Variants in C10orf67 observed in about 807,000 individuals in gnomAD.
C10orf67 encodes the protein chromosome 10 open reading frame 67.
Under a neutral mutation model 35.6 loss-of-function variants are expected in C10orf67, and 60 were observed. The observed-to-expected ratio is 1.68, with a 90% CI of 1.37 to 2.09. The LOEUF is 2.09. Among genes scored for constraint, C10orf67 ranks in the 30% most tolerant of loss-of-function variants. The pLI, the probability that C10orf67 is intolerant of heterozygous loss-of-function variation, is 0.00. For synonymous variants in C10orf67, 167 were observed against 115.8 expected (o/e 1.44, Z -2.84); for missense variants, 474 against 330.2 (o/e 1.44, Z -3.38).
intron 12 of C10orf67, among the ~76,000 whole-genome samples, chr10:23,249,768 T>G (rs966125406): frequency 1.4e-4 from 21 of 152,202 alleles, no homozygotes; most frequent in Admixed American, 1.3e-3. Flanking sequence ...CCATCGTGCC[T>G]GGATGATGCT....
In C10orf67 at chr10:23,294,388, A is replaced by AAC. The variant is rs367859433; in HGVS notation, c.703-3111_703-3110dup. On this transcript the variant is annotated intron_variant, in intron 5 of 15. Transcript: ENST00000636213. Reference sequence around the variant, plus strand: ...ACAGGCACACACACACACACACAGAAACACACACACACACAGAAACACACA... The same window carrying AAC: ...ACAGGCACACACACACACACACAGAAACACACACACACACACAGAAACACACA... Among the ~76,000 whole-genome samples, 506 of 151,170 alleles carry AAC rather than the reference A, an allele frequency of 3.3e-3. 13 individuals carry two copies. The East Asian group carries it at 0.049, about 15-fold the overall frequency.
chr10:23,263,933 A>AC (rs1319882628), intron 10 of C10orf67, among the ~76,000 whole-genome samples: 1 of 152,238 alleles, frequency 6.6e-6, no homozygotes, highest in African/African-American at 2.4e-5. Flanking sequence ...CAGACTGGCT[A>AC]AACACTCAGT....
At chr10:23,292,158 C>CTTTTTT (rs542812504) in intron 5 of C10orf67, among the ~76,000 whole-genome samples, 8 of 69,318 alleles carry the variant, frequency 1.2e-4, no homozygotes, top group African/African-American at 2.1e-4. Flanking sequence ...GACAGCTACT[C>CTTTTTT]TTTTTTTTTT....
chr10:23,250,786 A>G, intron 10 of C10orf67, 95 bp from the exon 11 acceptor site: 1 of 396,680 alleles, frequency 2.5e-6, no homozygotes. Flanking sequence ...AATAGTATGC[A>G]TACTCTAACT....
chr10:23,210,383 T>C (rs781327936), intron 15 of C10orf67, among the ~76,000 whole-genome samples: 1 of 152,200 alleles, frequency 6.6e-6, no homozygotes, highest in Non-Finnish European at 1.5e-5. Context: ...CCTAAGTTCA[T>C]GAAATCAGGA....
intron 10 of C10orf67, among the ~76,000 whole-genome samples, chr10:23,252,029 T>C (rs906474247): frequency 6.6e-6 from 1 of 152,166 alleles, no homozygotes; most frequent in African/African-American, 2.4e-5. Flanking sequence ...ATAATACCAG[T>C]TTTTAAAAAA....
chr10:23,310,377 C>G (rs1331375023), intron 4 of C10orf67, among the ~76,000 whole-genome samples: 1 of 152,218 alleles, frequency 6.6e-6, no homozygotes, highest in Non-Finnish European at 1.5e-5. Context: ...TTGAGCCTCT[C>G]TTTCTTTTAT....
intron 10 of C10orf67, among the ~76,000 whole-genome samples, chr10:23,252,351 A>G (rs77693499): frequency 0.017 from 2,597 of 152,270 alleles, 65 homozygotes; most frequent in African/African-American, 0.059. Context: ...TGTTAATGGA[A>G]AAAAGTTTCT....
At chr10:23,296,739 A>C (rs1333242743) in intron 5 of C10orf67, among the ~76,000 whole-genome samples, 1 of 152,142 alleles carries the variant, frequency 6.6e-6, no homozygotes, top group East Asian at 1.9e-4. Flanking sequence ...CATCTGGGGC[A>C]CCATTTGAAG....
At chr10:23,234,154 C>T (rs907860899) in intron 13 of C10orf67, among the ~76,000 whole-genome samples, 2 of 152,098 alleles carry the variant, frequency 1.3e-5, no homozygotes, top group Non-Finnish European at 2.9e-5. Context: ...ACCATTTGAC[C>T]CAGCAATCCC....
intron 13 of C10orf67, among the ~76,000 whole-genome samples, chr10:23,229,092 C>G (rs1391877098): frequency 6.6e-6 from 1 of 151,974 alleles, no homozygotes; most frequent in Non-Finnish European, 1.5e-5. Context: ...GGCTATATAC[C>G]CAAATGATTA....
At chr10:23,282,563 G>A (rs888022813) in intron 7 of C10orf67, among the ~76,000 whole-genome samples, 16 of 152,328 alleles carry the variant, frequency 1.1e-4, no homozygotes, top group African/African-American at 3.4e-4. Context: ...AAGGGTGTGA[G>A]ACCAACCTGG....
chr10:23,273,576 C>T (rs1190013485), intron 8 of C10orf67, among the ~76,000 whole-genome samples: 1 of 152,148 alleles, frequency 6.6e-6, no homozygotes, highest in Non-Finnish European at 1.5e-5. Flanking sequence ...AGATGAGGCT[C>T]CTTGAGTACA....
At chr10:23,291,089 A>T (rs999656668) in intron 6 of C10orf67, 43 bp downstream of exon 6, 3 of 678,704 alleles carry the variant, frequency 4.4e-6, no homozygotes, top group Non-Finnish European at 5.4e-6. Flanking sequence ...TTACAAAGTG[A>T]CCAATATACA....
At chr10:23,237,194 T>C (rs1299533569) in intron 13 of C10orf67, among the ~76,000 whole-genome samples, 1 of 152,182 alleles carries the variant, frequency 6.6e-6, no homozygotes, top group Non-Finnish European at 1.5e-5. Context: ...TCCATTCATG[T>C]TGCTGCAAAG....
At chr10:23,230,388 A>C (rs1841875519) in intron 13 of C10orf67, among the ~76,000 whole-genome samples, 1 of 152,208 alleles carries the variant, frequency 6.6e-6, no homozygotes, top group Non-Finnish European at 1.5e-5. Context: ...TACATTTGTG[A>C]TTAAATATTG....
At chr10:23,218,376 G>GAGCAC (rs1841488593) in intron 15 of C10orf67, among the ~76,000 whole-genome samples, 1 of 138,540 alleles carries the variant, frequency 7.2e-6, no homozygotes, top group South Asian at 2.2e-4. Flanking sequence ...TCAAACCCCT[G>GAGCAC]AGCACAACAT....
intron 1 of C10orf67, among the ~76,000 whole-genome samples, chr10:23,334,781 G>T (rs962131240): frequency 4.6e-5 from 7 of 152,232 alleles, no homozygotes; most frequent in East Asian, 1.9e-4. Flanking sequence ...CAGAGGAGAG[G>T]TTTCTTCTTT....
At chr10:23,327,358 T>A (rs1845241126) in intron 2 of C10orf67, among the ~76,000 whole-genome samples, 1 of 152,014 alleles carries the variant, frequency 6.6e-6, no homozygotes, top group Non-Finnish European at 1.5e-5. Context: ...AAGAGATATA[T>A]CTAAGACACA....
Sources: gnomAD v4.1 joint callset for allele counts (sites outside exome capture counted in the v4.1 genomes callset) on GRCh38, gnomAD v4.1.1 for gene constraint, MANE v1.5 for transcripts, NCBI Gene and HGNC (gene_info 2026-07-23, HGNC 2026-07-21) for gene names.